DGKB: variants seen among roughly 807,000 people sequenced by gnomAD.
DGKB encodes 90 kDa diacylglycerol kinase.
A neutral mutation model predicts 114.3 loss-of-function variants in DGKB; 67 were observed. The ratio of observed to expected loss-of-function variants is 0.59; its 90% CI spans 0.48 to 0.72. The LOEUF is 0.72. Ranked by LOEUF, DGKB falls within the 30% of genes least tolerant of loss-of-function variation. The pLI is 0.00. For synonymous variants in DGKB, 398 were observed against 323.1 expected, an observed-to-expected ratio of 1.23 and a Z score of -2.49; for missense variants, 907 against 975.2, an observed-to-expected ratio of 0.93 and a Z score of 0.93.
chr7:14,769,933 T>G (rs1837168883), intron 2 of DGKB, among the ~76,000 whole-genome samples: 2 of 152,086 alleles, frequency 1.3e-5, no homozygotes, highest in Admixed American at 6.6e-5. Flanking sequence ...TACTTACAAA[T>G]CACATCAAAT....
chr7:14,147,814 A>G lies in DGKB; in HGVS notation c.*1317T>C, dbSNP rs779610221. On this transcript the variant is annotated 3_prime_UTR_variant, in exon 26 of 26. Transcript: ENST00000402815. ...ATAGGCTTAATGAAACACTAAAAGA[A>G]AAGTACTGTTCTGTGATTTCTTTAA... 7 of 152,546 alleles carry G rather than the reference A, an allele frequency of 4.6e-5. No individual in the cohort carries two copies. The highest frequency in any genetic ancestry group is 1.3e-4 in the Admixed American group (2 of 15,260). 9.4% of individuals were successfully genotyped at this position (152,546 alleles called of 1,614,324 possible). A position where few individuals can be genotyped will look rare whatever the true frequency, so the allele number is the denominator to read the frequency against.
chr7:14,929,914 G>A (rs1278231447), intron 1 of DGKB, among the ~76,000 whole-genome samples: 1 of 152,144 alleles, frequency 6.6e-6, no homozygotes, highest in East Asian at 1.9e-4. Context: ...TGAGAGATAG[G>A]GGTTCAGTTT....
chr7:14,798,895 G>A (rs971809198), intron 2 of DGKB, among the ~76,000 whole-genome samples: 1 of 152,144 alleles, frequency 6.6e-6, no homozygotes, highest in African/African-American at 2.4e-5. Flanking sequence ...AAGGCCAAGT[G>A]GAAGACAATA....
At chr7:14,677,101 G>C (rs929658767) in intron 12 of DGKB, among the ~76,000 whole-genome samples, 1 of 151,824 alleles carries the variant, frequency 6.6e-6, no homozygotes, top group Non-Finnish European at 1.5e-5. Flanking sequence ...TTTAGAGCCA[G>C]ATCTATGTTT....
chr7:14,152,017 T>C (rs1782281842), intron 25 of DGKB, among the ~76,000 whole-genome samples: 2 of 151,992 alleles, frequency 1.3e-5, no homozygotes, highest in Admixed American at 1.3e-4. Flanking sequence ...CAGACTCAGG[T>C]TGCTCATGTG....
At chr7:14,298,920 C>T (rs1240832112) in intron 23 of DGKB, among the ~76,000 whole-genome samples, 2 of 152,014 alleles carry the variant, frequency 1.3e-5, no homozygotes, top group Admixed American at 6.6e-5. Flanking sequence ...GACATTTATG[C>T]AACCAGCAAA....
rs542836195 is a variant in DGKB, at chr7:14,789,900, T to C, written c.71-32169A>G. Among the ~76,000 whole-genome samples, 6 of 152,308 alleles carry C rather than the reference T, an allele frequency of 3.9e-5. No individual in the cohort carries two copies. The East Asian group carries it at 1.2e-3, about 29-fold the overall frequency. ...CAGAGTGCTGAAAAACCATTTTGAATTCCCACCAGCAGAGGATGACTGATA... is the reference window on the plus strand; with the variant it reads ...CAGAGTGCTGAAAAACCATTTTGAACTCCCACCAGCAGAGGATGACTGATA... On this transcript the variant is annotated intron_variant, in intron 2 of 25. Coordinates refer to ENST00000402815, the MANE Select transcript of DGKB (RefSeq NM_001350709.2).
At chr7:14,935,749 C>G (rs1236248819) in intron 1 of DGKB, among the ~76,000 whole-genome samples, 2 of 152,016 alleles carry the variant, frequency 1.3e-5, no homozygotes, top group African/African-American at 4.8e-5. Context: ...TTTTCTCTCC[C>G]TTTATCTCTT....
At chr7:14,843,491 C>T (rs35824763) in intron 1 of DGKB, among the ~76,000 whole-genome samples, 11 of 150,460 alleles carry the variant, frequency 7.3e-5, no homozygotes, top group Admixed American at 4.6e-4. Flanking sequence ...CCCGCCACCG[C>T]GCCCGGCTAA....
intron 1 of DGKB, among the ~76,000 whole-genome samples, chr7:14,934,270 C>T (rs1474874228): frequency 6.6e-6 from 1 of 152,116 alleles, no homozygotes; most frequent in Admixed American, 6.6e-5. Flanking sequence ...TAATAAATTG[C>T]TCACAGGAGA....
At chr7:14,617,699 T>C (rs1050800244) in intron 15 of DGKB, among the ~76,000 whole-genome samples, 8 of 151,740 alleles carry the variant, frequency 5.3e-5, no homozygotes, top group Non-Finnish European at 1.2e-4. Context: ...CTTCTCTGAA[T>C]TACTTGCTAC....
chr7:14,457,365 T>A (rs1832432234), intron 21 of DGKB, among the ~76,000 whole-genome samples: 5 of 152,164 alleles, frequency 3.3e-5, no homozygotes, highest in African/African-American at 7.2e-5. Context: ...TTATTAAAAT[T>A]ACGGTAATAA....
chr7:14,322,779 G>C (rs943643975), intron 23 of DGKB, among the ~76,000 whole-genome samples: 5 of 152,094 alleles, frequency 3.3e-5, no homozygotes, highest in Non-Finnish European at 7.4e-5. Context: ...GACTTGGGCA[G>C]ATATTTCACA....
intron 15 of DGKB, among the ~76,000 whole-genome samples, chr7:14,617,093 T>A (rs951103742): frequency 6.6e-6 from 1 of 151,716 alleles, no homozygotes; most frequent in Non-Finnish European, 1.5e-5. Flanking sequence ...CTTCTCTCTA[T>A]ATACACACTC....
chr7:14,151,467 TAA>T (rs36063590), intron 25 of DGKB, among the ~76,000 whole-genome samples: 138 of 138,082 alleles, frequency 1.0e-3, no homozygotes, highest in African/African-American at 4.3e-3. Flanking sequence ...AAAAACTTTT[TAA>T]AAAAAAAAAT....
intron 23 of DGKB, among the ~76,000 whole-genome samples, chr7:14,265,980 T>C (rs949525191): frequency 2.0e-5 from 3 of 152,178 alleles, no homozygotes; most frequent in African/African-American, 7.2e-5. Context: ...GGGTAGCCTA[T>C]TTTGTTTTTG....
intron 19 of DGKB, among the ~76,000 whole-genome samples, chr7:14,578,335 A>G (rs1799461411): frequency 6.6e-6 from 1 of 152,184 alleles, no homozygotes. Context: ...AACACTGTGC[A>G]AACAAGTTAT....
chr7:14,798,758 C>G (rs553832966), intron 2 of DGKB, among the ~76,000 whole-genome samples: 7 of 152,150 alleles, frequency 4.6e-5, no homozygotes, highest in Non-Finnish European at 1.0e-4. Context: ...CACAGCAGGT[C>G]CAGTGGGTCC....
At chr7:14,359,711 G>T (rs888122488) in intron 21 of DGKB, among the ~76,000 whole-genome samples, 14 of 152,030 alleles carry the variant, frequency 9.2e-5, no homozygotes, top group Non-Finnish European at 2.1e-4. Flanking sequence ...ACAGACACAT[G>T]AAAAAATGCT....
Sources: allele counts gnomAD v4.1 joint callset (sites outside exome capture counted in the v4.1 genomes callset), GRCh38; gene constraint gnomAD v4.1.1; transcripts MANE v1.5; gene names NCBI Gene and HGNC (gene_info 2026-07-23, HGNC 2026-07-21).